Variants in TEP1 observed in about 807,000 individuals in gnomAD.
The protein encoded by TEP1 is telomerase associated protein 1.
TEP1 carries 241 observed loss-of-function variants against 306.3 expected under a neutral mutation model. That is an observed-to-expected ratio of 0.79 (90% CI 0.71 to 0.88). The LOEUF is 0.88. Ranked by LOEUF, TEP1 falls within the 40% of genes least tolerant of loss-of-function variation. The probability of loss-of-function intolerance (pLI) is 0.00; values close to 1 mark genes in which losing one functional copy is unlikely to be tolerated. For missense variants in TEP1, 3,051 were observed against 3,276.1 expected (o/e 0.93, Z 1.68); for synonymous variants, 1,289 against 1,305.5 (o/e 0.99, Z 0.27).
At chr14:20,406,011 CAA>C (rs765373019) in intron 3 of TEP1, among the ~76,000 whole-genome samples, 11 of 35,504 alleles carry the variant, frequency 3.1e-4, no homozygotes, top group Admixed American at 5.6e-4. Context: ...GACTCCATCT[CAA>C]AAAAAAAAAA....
chr14:20,403,615 C>G (rs576741171), intron 6 of TEP1, 108 bp downstream of exon 6: 3 of 1,589,938 alleles, frequency 1.9e-6, no homozygotes, highest in Admixed American at 1.7e-5. Context: ...CTGCATTTCT[C>G]TGACTCCCTT....
At position 20,388,017 on chromosome 14, in the gene TEP1, G is replaced by GTA; in HGVS notation, c.2571_2572insTA (p.Gln858TyrfsTer62). On this transcript the variant is annotated frameshift_variant, in exon 18 of 55. Coordinates refer to ENST00000262715, the MANE Select transcript of TEP1 (RefSeq NM_007110.5). LOFTEE classifies it high-confidence loss of function. Reference sequence around the variant, plus strand: ...GGAATCTTGAATATTTTGTCCATTTGGCCCACATGTTCCAGAAGATGGGAG... The same window carrying GTA: ...GGAATCTTGAATATTTTGTCCATTTGTAGCCCACATGTTCCAGAAGATGGGAG... 6.2e-7 allele frequency: 1 copy of GTA among 1,614,068 alleles called. No individual in the cohort carries two copies. Among genetic ancestry groups the GTA allele is most frequent in the Non-Finnish European group, 8.5e-7 (1 of 1,180,004 alleles).
rs564448862 is a variant in TEP1, at chr14:20,400,761, C to A, written c.1549+223G>T. The A allele has an allele frequency of 2.4e-5, 13 of 541,390 alleles. No individual in the cohort carries two copies. The South Asian group carries it at 3.4e-4, about 14-fold the overall frequency. The allele number at this position is 541,390 out of a possible 1,614,324, so 33.5% of individuals were successfully genotyped here. On this transcript the variant is annotated intron_variant, in intron 9 of 54. Coordinates refer to ENST00000262715, the MANE Select transcript of TEP1 (RefSeq NM_007110.5). ...CATATGTTGATAAAAACTTGTACAT[C>A]ACCTAACTACATCTGGTATAATGAT... is the stretch of plus-strand genomic sequence containing the variant.
At position 20,391,689 on chromosome 14, in the gene TEP1, G is replaced by A. The variant is rs750463784; in HGVS notation, c.2007C>T (p.His669=). The part of the protein sequence containing the change: ...LETAVNLSVK[H]SLPLLPGRTV... ...TGCGGCCTGGCAGCAGGGGCAGGCT[G>A]TGCTTCACAGAGAGGTTCACAGCTG... Residue 669 remains histidine, a synonymous_variant, in exon 13 of 55, where the codon CAC becomes CAT. Coordinates refer to ENST00000262715, the MANE Select transcript of TEP1 (RefSeq NM_007110.5). 1.9e-6 allele frequency: 3 copies of A among 1,614,230 alleles called. No homozygotes were observed. Among genetic ancestry groups the A allele is most frequent in the Admixed American group, 3.3e-5 (2 of 60,024 alleles).
chr14:20,405,353 C>A, intron 4 of TEP1, 98 bp downstream of exon 4: 2 of 1,332,560 alleles, frequency 1.5e-6, no homozygotes, highest in South Asian at 1.4e-5. Flanking sequence ...GCTCCTCCCA[C>A]CCCCAACATG....
At position 20,403,832 on chromosome 14, in the gene TEP1, C is replaced by G. The variant is rs149521092; in HGVS notation, c.1085G>C (p.Arg362Pro). 6.2e-7 allele frequency: 1 copy of G among 1,614,102 alleles called. No individual in the cohort carries two copies. The highest frequency in any genetic ancestry group is 1.3e-5 in the African/African-American group (1 of 75,020). ...GGCAAATTTGTCCGTCATGGCAGTACGGAGACAGGCGGGCAGGGGCACCAG... is the reference window on the plus strand; with the variant it reads ...GGCAAATTTGTCCGTCATGGCAGTAGGGAGACAGGCGGGCAGGGGCACCAG... Reference protein sequence around the residue: ...NKLVPLPACLRTAMTDKFAQF... With the variant: ...NKLVPLPACLPTAMTDKFAQF... The change falls in exon 6 of 55, where the codon CGT becomes CCT. Residue 362 changes from arginine to proline, a missense_variant. Physicochemically the swap from Arg to Pro is moderately radical, Grantham distance 103. Around this residue, in one of 3 missense-constraint regions of TEP1, gnomAD observed 1,507 missense variants for 1,550.5 expected, o/e 0.97. Transcript: ENST00000262715.
chr14:20,407,937 AG>A lies in TEP1; in HGVS notation c.502del (p.Leu168PhefsTer6), dbSNP rs1273774483. On this transcript the variant is annotated frameshift_variant, in exon 2 of 55. Transcript: ENST00000262715. LOFTEE classifies it high-confidence loss of function. ...RAQHFSKGLD[L>X]STCPIALKSI... is the part of the protein sequence containing the mutation. Reference sequence around the variant, plus strand: ...TTTCAGGGCTATAGGGCAGGTTGAAAGGTCTAGTCCCTTAGAGAAATGCTGA... The same window carrying A: ...TTTCAGGGCTATAGGGCAGGTTGAAAGTCTAGTCCCTTAGAGAAATGCTGA... 6.2e-7 allele frequency: 1 copy of A among 1,613,774 alleles called. No individual in the cohort carries two copies. The highest frequency in any genetic ancestry group is 2.2e-5 in the East Asian group (1 of 44,876).
chr14:20,404,693 G>A lies in TEP1; in HGVS notation c.950C>T (p.Ala317Val), dbSNP rs770887029. Reference protein sequence around the residue: ...NILAIAAFLPACRPHLRRYFC... With the variant: ...NILAIAAFLPVCRPHLRRYFC... The stretch of plus-strand genomic sequence containing the variant: ...ATATCGTCGCAGGTGGGGGCGACAC[G>A]CCGGCAAGAAAGCAGCAATGGCCAA... Residue 317 changes from alanine (A) to valine (V), a missense_variant, in exon 5 of 55, where the codon GCG (alanine) becomes GTG (valine). Physicochemically the swap from Ala to Val is moderately conservative, Grantham distance 64. This residue lies in a region of TEP1 where 1,507 missense variants were observed against 1,550.5 expected (regional missense o/e 0.97). Coordinates refer to ENST00000262715, the MANE Select transcript of TEP1 (RefSeq NM_007110.5). 1.9e-5 allele frequency: 30 copies of A among 1,614,158 alleles called. No homozygotes were observed. Among genetic ancestry groups the A allele is most frequent in the Admixed American group, 3.3e-5 (2 of 60,018 alleles).
In TEP1 at chr14:20,401,537, T is replaced by C. The variant is rs1878748978; in HGVS notation, c.1311A>G (p.Pro437=). ...GDTVSEKKNP[P]RFTLKKLVQR... is the part of the protein sequence containing the mutation. ...GAACCAGCTTCTTCAGGGTGAACCTTGGAGGATTCTTTTTCTCTGACACTG... is the reference window on the plus strand; with the variant it reads ...GAACCAGCTTCTTCAGGGTGAACCTCGGAGGATTCTTTTTCTCTGACACTG... Residue 437 remains proline, a synonymous_variant, in exon 8 of 55, where the codon CCA becomes CCG. Coordinates refer to ENST00000262715, the MANE Select transcript of TEP1 (RefSeq NM_007110.5). 1.2e-6 allele frequency: 2 copies of C among 1,614,180 alleles called. No individual in the cohort carries two copies. Among genetic ancestry groups the C allele is most frequent in the Non-Finnish European group, 1.7e-6 (2 of 1,180,038 alleles).
chr14:20,374,328 T>A (rs1885042236), intron 44 of TEP1, 101 bp downstream of exon 44: 1 of 700,570 alleles, frequency 1.4e-6, no homozygotes. Context: ...CTCATTTTTA[T>A]GCTCATTTTG....
chr14:20,389,298 C>T lies in TEP1; in HGVS notation c.2466-1G>A. ...ATCATTGGGATTCAAATCTGTTGAC[C>T]TGGCAAAGGAAGAAGCAGTCATTAA... On this transcript the variant is annotated splice_acceptor_variant, in intron 16 of 54. Coordinates refer to ENST00000262715, the MANE Select transcript of TEP1 (RefSeq NM_007110.5). LOFTEE classifies it high-confidence loss of function. 2 of 1,614,162 alleles carry T rather than the reference C, an allele frequency of 1.2e-6. No homozygotes were observed. The highest frequency in any genetic ancestry group is 1.7e-6 in the Non-Finnish European group (2 of 1,180,014).
intron 18 of TEP1, among the ~76,000 whole-genome samples, chr14:20,387,242 T>C (rs1040871242): frequency 7.0e-6 from 1 of 143,792 alleles, no homozygotes; most frequent in Non-Finnish European, 1.5e-5. Flanking sequence ...CAAGAAACTA[T>C]AGCTTTAAGA....
Position 20,382,247 on chromosome 14 carries a change from G to A in TEP1, c.4250C>T (p.Thr1417Ile), listed in dbSNP as rs574530381. 53 of 1,614,182 alleles carry A rather than the reference G, an allele frequency of 3.3e-5. No homozygotes were observed. The South Asian group carries it at 5.5e-4, about 17-fold the overall frequency. ...ACCACTCCGTGTGACTTCTAGGGCA[G>A]TCAAGGCCTGGGGAAGGACATCAGG... ...HGPDVLPQALTALEVTRSGLT... is the reference protein window; with the variant it reads ...HGPDVLPQALIALEVTRSGLT... The change falls in exon 29 of 55, where the codon ACT (threonine) becomes ATT (isoleucine). Residue 1417 changes from threonine (T) to isoleucine (I), a missense_variant. Physicochemically the swap from Thr to Ile is moderately conservative, Grantham distance 89 (BLOSUM62 -1). Coordinates refer to ENST00000262715, the MANE Select transcript of TEP1 (RefSeq NM_007110.5).
At chr14:20,371,356 G>A in intron 50 of TEP1, 42 bp from the exon 51 acceptor site, 1 of 1,601,522 alleles carries the variant, frequency 6.2e-7, no homozygotes, top group East Asian at 2.2e-5. Flanking sequence ...AGGATTTAAA[G>A]AGAGGTAAAG....
intron 19 of TEP1, 29 bp downstream of exon 19, chr14:20,386,418 C>A (rs1342348208): frequency 6.3e-7 from 1 of 1,583,916 alleles, no homozygotes; most frequent in East Asian, 2.3e-5. Flanking sequence ...CATCCCCGAC[C>A]CAGCCCCTCT....
At chr14:20,369,600 G>A in intron 52 of TEP1, 24 bp from the exon 53 acceptor site, 1 of 1,613,748 alleles carries the variant, frequency 6.2e-7, no homozygotes, top group Non-Finnish European at 8.5e-7. Context: ...GACAGAATTA[G>A]AGCCAAGTCT....
chr14:20,372,380 A>ATG (rs59329010), intron 49 of TEP1, among the ~76,000 whole-genome samples: 68,344 of 139,290 alleles, frequency 0.49, 15,702 homozygotes, highest in East Asian at 0.54. Flanking sequence ...GTGTGTGTGT[A>ATG]TGTGTGTGTG....
In TEP1 at chr14:20,383,932, G is replaced by A. The variant is rs773145627; in HGVS notation, c.3535-14C>T. On this transcript the variant is annotated splice_polypyrimidine_tract_variant and intron_variant, in intron 24 of 54. Transcript: ENST00000262715. Reference sequence around the variant, plus strand: ...CACAAGAGATGCCTGCATGGGACAGGAACAGAAAACATGGTCACATTTTAC... The same window carrying A: ...CACAAGAGATGCCTGCATGGGACAGAAACAGAAAACATGGTCACATTTTAC... The A allele has an allele frequency of 5.0e-6, 8 of 1,595,190 alleles. No individual in the cohort carries two copies. The East Asian group carries it at 1.6e-4, about 31-fold the overall frequency.
chr14:20,384,501 AG>A lies in TEP1; in HGVS notation c.3228del (p.Cys1077ValfsTer30), dbSNP rs1566458567. On this transcript the variant is annotated frameshift_variant, in exon 23 of 55. Coordinates refer to ENST00000262715, the MANE Select transcript of TEP1 (RefSeq NM_007110.5). LOFTEE classifies it high-confidence loss of function. ...CCAGCTGCCACACCCCCCCACTCAC[AG>A]GGGTATCTGTGGGCAAATCAAGCAC... is the stretch of plus-strand genomic sequence containing the variant. The part of the protein sequence containing the change: ...RQKGITCRRY[P>X]CEWGGVAAGR... 6.2e-7 allele frequency: 1 copy of A among 1,613,920 alleles called. No homozygotes were observed. The highest frequency in any genetic ancestry group is 2.2e-5 in the East Asian group (1 of 44,868).
Sources: gnomAD v4.1 joint callset for allele counts (sites outside exome capture counted in the v4.1 genomes callset) on GRCh38, gnomAD v4.1.1 for gene constraint, gnomAD v4.1.1 regional missense constraint, MANE v1.5 for transcripts, NCBI Gene and HGNC (gene_info 2026-07-23, HGNC 2026-07-21) for gene names.